IQGAP2: variants seen among roughly 807,000 people sequenced by gnomAD.
IQGAP2 encodes ras GTPase-activating-like protein IQGAP2.
A neutral mutation model predicts 201.3 loss-of-function variants in IQGAP2; 173 were observed. The ratio of observed to expected loss-of-function variants is 0.86; its 90% CI spans 0.76 to 0.98. IQGAP2 has a LOEUF of 0.98. IQGAP2 is among the 50% of genes least tolerant of loss of function. The probability of loss-of-function intolerance (pLI) is 0.00; values close to 1 mark genes in which losing one functional copy is unlikely to be tolerated. For synonymous variants in IQGAP2, 675 were observed against 673.9 expected, an observed-to-expected ratio of 1.00 and a Z score of -0.03; for missense variants, 1,687 against 1,864.8, an observed-to-expected ratio of 0.90 and a Z score of 1.76.
intron 2 of IQGAP2, among the ~76,000 whole-genome samples, chr5:76,530,573 C>A (rs1003824684): frequency 2.6e-5 from 4 of 152,214 alleles, no homozygotes; most frequent in African/African-American, 7.2e-5. Flanking sequence ...TACTAGGTTT[C>A]TCCTGTTTCA....
At chr5:76,482,543 G>A (rs1755851465) in intron 2 of IQGAP2, among the ~76,000 whole-genome samples, 1 of 152,182 alleles carries the variant, frequency 6.6e-6, no homozygotes, top group Non-Finnish European at 1.5e-5. Context: ...AAGGAAGAGG[G>A]TGGCCCAATA....
At chr5:76,705,259 G>C (rs2150570960) in intron 35 of IQGAP2, among the ~76,000 whole-genome samples, 1 of 152,292 alleles carries the variant, frequency 6.6e-6, no homozygotes, top group South Asian at 2.1e-4. Context: ...TGCAAGACAA[G>C]AGTAGCTTAC....
intron 1 of IQGAP2, among the ~76,000 whole-genome samples, chr5:76,457,490 C>T (rs796569481): frequency 2.0e-5 from 3 of 152,292 alleles, no homozygotes; most frequent in African/African-American, 7.2e-5. Flanking sequence ...GAGTCATATT[C>T]ATCACTTTGT....
chr5:76,658,346 C>G, intron 20 of IQGAP2, 113 bp from the exon 21 acceptor site: 1 of 870,188 alleles, frequency 1.1e-6, no homozygotes. Context: ...CACCCTAGAC[C>G]AAGTACTTTC....
chr5:76,551,478 C>T (rs1162957360), intron 2 of IQGAP2, among the ~76,000 whole-genome samples: 4 of 152,054 alleles, frequency 2.6e-5, no homozygotes, highest in African/African-American at 4.8e-5. Flanking sequence ...GCTGCAATCT[C>T]GGCACTTTGG....
At chr5:76,613,568 G>A (rs923839313) in intron 13 of IQGAP2, among the ~76,000 whole-genome samples, 6 of 152,138 alleles carry the variant, frequency 3.9e-5, no homozygotes, top group East Asian at 3.9e-4. Context: ...ATATGTGCAC[G>A]TGTTTGTGTA....
intron 3 of IQGAP2, among the ~76,000 whole-genome samples, chr5:76,565,170 A>T (rs1744659275): frequency 6.6e-6 from 1 of 152,214 alleles, no homozygotes; most frequent in African/African-American, 2.4e-5. Context: ...CATGTCACAT[A>T]GCCCTTTGCA....
At chr5:76,467,263 A>C (rs1754831821) in intron 2 of IQGAP2, among the ~76,000 whole-genome samples, 1 of 152,244 alleles carries the variant, frequency 6.6e-6, no homozygotes, top group Admixed American at 6.5e-5. Flanking sequence ...CAAAAAAATA[A>C]AAATAAAAGT....
rs75221865 is a variant in IQGAP2 at position 76,504,611 on chromosome 5, G to A, written c.146+42942G>A. Among the ~76,000 whole-genome samples, 721 of 152,072 alleles carry A rather than the reference G, an allele frequency of 4.7e-3. 5 individuals are homozygous for A. Among genetic ancestry groups the A allele is most frequent in the Non-Finnish European group, 7.0e-3 (473 of 67,990 alleles). On this transcript the variant is annotated intron_variant, in intron 2 of 35. Coordinates refer to ENST00000274364, the MANE Select transcript of IQGAP2 (RefSeq NM_006633.5). ...TGTGATTGCAAACTCAACATTCTCC[G>A]CCACTGTGTACTATTTCAAACTTTA...
intron 13 of IQGAP2, 123 bp downstream of exon 13, chr5:76,611,306 G>A: frequency 1.5e-6 from 1 of 656,224 alleles, no homozygotes. Flanking sequence ...AATTACCCAT[G>A]AATCAGAATG....
At chr5:76,489,765 C>T (rs1049609544) in intron 2 of IQGAP2, among the ~76,000 whole-genome samples, 1 of 152,222 alleles carries the variant, frequency 6.6e-6, no homozygotes, top group Non-Finnish European at 1.5e-5. Flanking sequence ...CCATGTCCAG[C>T]CCACATACAC....
chr5:76,627,354 T>G, intron 13 of IQGAP2, 56 bp from the exon 14 acceptor site: 1 of 1,136,646 alleles, frequency 8.8e-7, no homozygotes, highest in Non-Finnish European at 1.3e-6. Context: ...CAGTTATTAA[T>G]TCTGTTTCCT....
At position 76,403,637 on chromosome 5, in the gene IQGAP2, C is replaced by T; in HGVS notation, c.46+46C>T. On this transcript the variant is annotated intron_variant, in intron 1 of 35. Transcript: ENST00000274364. This position sits in a 1 kb window ranked among gnomAD's most constrained non-coding sequence, Gnocchi z 4.8. ...GGGTTCCTGCTGGCCTTGGGGAGCT[C>T]CCTCCCCGAGGACGGCGTTGGAGAA... 2 of 1,429,354 alleles carry T rather than the reference C, an allele frequency of 1.4e-6. No individual in the cohort carries two copies. The highest frequency in any genetic ancestry group is 1.8e-6 in the Non-Finnish European group (2 of 1,082,430). 88.5% of individuals were successfully genotyped at this position (1,429,354 alleles called of 1,614,324 possible).
At chr5:76,666,373 C>T (rs1743758279) in intron 22 of IQGAP2, among the ~76,000 whole-genome samples, 1 of 152,194 alleles carries the variant, frequency 6.6e-6, no homozygotes, top group Non-Finnish European at 1.5e-5. Context: ...ATCTTAGGCA[C>T]TTATCATTTT....
rs138653858 is a variant in IQGAP2 at position 76,670,188 on chromosome 5, C to G, written c.2843+1344C>G. 3.4e-3 allele frequency among the ~76,000 whole-genome samples: 519 copies of G among 152,158 alleles called. 1 individual carries two copies. The highest frequency in any genetic ancestry group is 5.2e-3 in the African/African-American group (216 of 41,504). On this transcript the variant is annotated intron_variant, in intron 23 of 35. Coordinates refer to ENST00000274364, the MANE Select transcript of IQGAP2 (RefSeq NM_006633.5). ...GTTTGGGCATTGATTCACCCTCATT[C>G]GCCTTACAAGCACCTACAATTAGTC...
chr5:76,521,599 T>G (rs1758687307), intron 2 of IQGAP2, among the ~76,000 whole-genome samples: 1 of 152,240 alleles, frequency 6.6e-6, no homozygotes, highest in South Asian at 2.1e-4. Context: ...CTTGATGCTT[T>G]GTACAAGTTT....
At chr5:76,413,506 A>G (rs551642955) in intron 1 of IQGAP2, among the ~76,000 whole-genome samples, 1 of 152,178 alleles carries the variant, frequency 6.6e-6, no homozygotes, top group African/African-American at 2.4e-5. Flanking sequence ...AAAATTCTTA[A>G]GTTATCTATA....
At chr5:76,496,346 C>T (rs941571842) in intron 2 of IQGAP2, among the ~76,000 whole-genome samples, 3 of 152,284 alleles carry the variant, frequency 2.0e-5, no homozygotes, top group Admixed American at 2.0e-4. Context: ...TGGTTCCTTG[C>T]TCATGTGGCG....
Position 76,673,589 on chromosome 5 carries a change from CG to C in IQGAP2, c.3209+1del, listed in dbSNP as rs1561577719. ...ATCATTTCTTCCCTTGATCTACTGC[CG>C]TAAGTTGTACTTGCAGCAAGTTTAA... is the stretch of plus-strand genomic sequence containing the variant. On this transcript the variant is annotated splice_donor_variant, in intron 25 of 35. Coordinates refer to ENST00000274364, the MANE Select transcript of IQGAP2 (RefSeq NM_006633.5). LOFTEE classifies it high-confidence loss of function. The C allele has an allele frequency of 1.2e-6, 2 of 1,612,950 alleles. No homozygotes were observed. The highest frequency in any genetic ancestry group is 3.3e-4 in the Middle Eastern group (2 of 6,050).
Sources: allele counts gnomAD v4.1 joint callset (sites outside exome capture counted in the v4.1 genomes callset), GRCh38; gene constraint gnomAD v4.1.1; non-coding constraint Gnocchi (gnomAD v3.1); transcripts MANE v1.5; gene names NCBI Gene and HGNC (gene_info 2026-07-23, HGNC 2026-07-21).